AHNAK: variants seen among roughly 807,000 people sequenced by gnomAD.
The protein encoded by AHNAK is neuroblast differentiation-associated protein AHNAK.
AHNAK carries 23 observed loss-of-function variants against 37.8 expected under a neutral mutation model. That is an observed-to-expected ratio of 0.61 (90% CI 0.44 to 0.86). The LOEUF (loss-of-function observed/expected upper bound fraction) is 0.86. Among genes scored for constraint, AHNAK ranks in the 40% least tolerant of loss-of-function variants. The pLI is 0.00. For synonymous variants in AHNAK, 2,481 were observed against 2,636.3 expected, an observed-to-expected ratio of 0.94 and a Z score of 1.80; for missense variants, 7,411 against 7,319.4, an observed-to-expected ratio of 1.01 and a Z score of -0.46.
intron 5 of AHNAK, among the ~76,000 whole-genome samples, chr11:62,458,869 G>GC (rs1413333368): frequency 4.6e-5 from 7 of 152,110 alleles, no homozygotes; most frequent in Non-Finnish European, 1.0e-4. Flanking sequence ...CTAGGAATTT[G>GC]CCCCAAGTAC....
At position 62,517,435 on chromosome 11, in the gene AHNAK, A is replaced by AT; in HGVS notation, c.16981dup (p.Met5661AsnfsTer12). On this transcript the variant is annotated frameshift_variant, in exon 5 of 5. Transcript: ENST00000378024. LOFTEE classifies it high-confidence loss of function. ...AGAGAAGGTAAATTTGGGGATCTTC[A>AT]TTTTAGGGAATGTTACTTTTCCAGA... is the stretch of plus-strand genomic sequence containing the variant. 1 of 1,614,112 alleles carries AT rather than the reference A, an allele frequency of 6.2e-7. No individual in the cohort carries two copies. The highest frequency in any genetic ancestry group is 8.5e-7 in the Non-Finnish European group (1 of 1,180,016).
At chr11:62,489,737 C>T (rs1939465292) in intron 5 of AHNAK, among the ~76,000 whole-genome samples, 1 of 151,870 alleles carries the variant, frequency 6.6e-6, no homozygotes, top group Admixed American at 6.6e-5. Context: ...CTGAGAGCCA[C>T]AGAGCCCCAA....
chr11:62,464,174 C>T (rs553098137), intron 5 of AHNAK, among the ~76,000 whole-genome samples: 159 of 151,812 alleles, frequency 1.0e-3, no homozygotes, highest in Non-Finnish European at 5.9e-4. Flanking sequence ...ACCACAGGAA[C>T]GGGCCACCAT....
At position 62,483,492 on chromosome 11, in the gene AHNAK, C is replaced by T. The variant is rs369803468; in HGVS notation, c.442+8240G>A. Among the ~76,000 whole-genome samples the T allele has an allele frequency of 4.6e-5, 7 of 151,878 alleles. No individual in the cohort carries two copies. The East Asian group carries it at 5.9e-4, about 13-fold the overall frequency. On this transcript the variant is annotated intron_variant, in intron 5 of 5. Coordinates refer to the AHNAK transcript ENST00000257247. ...CTGTAATCCCAGCACTCTGGGAGGCCGAGGCGGGCGGATCACGAGGTCAGG... is the reference window on the plus strand; with the variant it reads ...CTGTAATCCCAGCACTCTGGGAGGCTGAGGCGGGCGGATCACGAGGTCAGG...
At chr11:62,489,175 A>T (rs1297062366) in intron 5 of AHNAK, among the ~76,000 whole-genome samples, 1 of 150,150 alleles carries the variant, frequency 6.7e-6, no homozygotes, top group East Asian at 2.0e-4. Context: ...CGGGAGGTGG[A>T]GGTTGCAGTG....
intron 5 of AHNAK, among the ~76,000 whole-genome samples, chr11:62,438,905 T>C (rs1258538553): frequency 1.3e-5 from 2 of 152,062 alleles, no homozygotes; most frequent in Non-Finnish European, 2.9e-5. Context: ...CATATGATAA[T>C]GACTTCCTGG....
intron 1 of AHNAK, among the ~76,000 whole-genome samples, chr11:62,541,386 C>T (rs1034397280): frequency 2.0e-5 from 3 of 152,210 alleles, no homozygotes; most frequent in Admixed American, 6.5e-5. Context: ...ACCACACACA[C>T]AAGGCCAAAG....
Position 62,531,699 on chromosome 11 carries a change from C to T in AHNAK, c.2718G>A (p.Val906=), listed in dbSNP as rs1442886481. ...EVDVNLPKAD[V]DISGPKVGVE... ...CACCCACCTTGGGTCCTGAGATGTCCACATCAGCCTTGGGCAGGTTCACAT... is the reference window on the plus strand; with the variant it reads ...CACCCACCTTGGGTCCTGAGATGTCTACATCAGCCTTGGGCAGGTTCACAT... Residue 906 remains valine (V), a synonymous_variant, in exon 5 of 5, where the codon GTG becomes GTA. Coordinates refer to ENST00000378024, the MANE Select transcript of AHNAK (RefSeq NM_001620.3). 6.2e-7 allele frequency: 1 copy of T among 1,614,138 alleles called. No homozygotes were observed. The highest frequency in any genetic ancestry group is 2.2e-5 in the East Asian group (1 of 44,884).
At chr11:62,487,828 G>A (rs1939423218) in intron 5 of AHNAK, among the ~76,000 whole-genome samples, 4 of 152,188 alleles carry the variant, frequency 2.6e-5, no homozygotes, top group African/African-American at 7.2e-5. Flanking sequence ...AGTCGACTTA[G>A]AGAAAGCTGG....
In AHNAK at chr11:62,525,990, C is replaced by G. The variant is rs748773168; in HGVS notation, c.8427G>C (p.Val2809=). 6.2e-7 allele frequency: 1 copy of G among 1,613,300 alleles called. No homozygotes were observed. The highest frequency in any genetic ancestry group is 1.1e-5 in the South Asian group (1 of 91,028). Residue 2809 remains valine, a synonymous_variant, in exon 5 of 5, where the codon GTG becomes GTC. Coordinates refer to ENST00000378024, the MANE Select transcript of AHNAK (RefSeq NM_001620.3). ...ACTTTCCTTCAGGTCCTTCGATATT[C>G]ACATCGGGACATTCAACATCCACTT... is the stretch of plus-strand genomic sequence containing the variant. The part of the protein sequence containing the change: ...GPKVDVECPD[V]NIEGPEGKWK...
In AHNAK at chr11:62,532,835, C is replaced by T. The variant is rs765551586; in HGVS notation, c.1582G>A (p.Asp528Asn). 1.2e-6 allele frequency: 2 copies of T among 1,614,082 alleles called. No individual in the cohort carries two copies. The highest frequency in any genetic ancestry group is 2.2e-5 in the South Asian group (2 of 91,088). ...AGTGCCACTTGAGGGCCTTTAACAT[C>T]ACCTTGCACCCCAGGAGCAGAAACC... ...IKVSAPGVQG[D>N]VKGPQVALKG... is the part of the protein sequence containing the mutation. The change falls in exon 5 of 5, where the codon GAT becomes AAT. Residue 528 changes from aspartate to asparagine, a missense_variant. Coordinates refer to ENST00000378024, the MANE Select transcript of AHNAK (RefSeq NM_001620.3).
At chr11:62,512,810 C>T (rs984983743), downstream of AHNAK, among the ~76,000 whole-genome samples, 1 of 138,846 alleles carries the variant, frequency 7.2e-6, no homozygotes, top group Non-Finnish European at 1.5e-5. The surrounding 1 kb of genome is among the most constrained non-coding windows in gnomAD (Gnocchi z 4.0). Flanking sequence ...GAGCTGAGAA[C>T]GTGCCACTGC....
rs1310738056 is a variant in AHNAK, at chr11:62,517,867, T to G, written c.16550A>C (p.Gln5517Pro). The part of the protein sequence containing the change: ...PGVNVKLPTG[Q>P]ISGPEIKGGL... ...ACCTTTGATTTCAGGCCCAGAAATC[T>G]GCCCAGTTGGGAGTTTCACATTCAC... The change falls in exon 5 of 5, where the codon CAG (glutamine) becomes CCG (proline). Residue 5517 changes from glutamine (Q) to proline (P), a missense_variant. Coordinates refer to ENST00000378024, the MANE Select transcript of AHNAK (RefSeq NM_001620.3). 2 of 1,614,166 alleles carry G rather than the reference T, an allele frequency of 1.2e-6. No homozygotes were observed. Among genetic ancestry groups the G allele is most frequent in the African/African-American group, 1.3e-5 (1 of 75,050 alleles).
intron 5 of AHNAK, among the ~76,000 whole-genome samples, chr11:62,481,248 G>C (rs535624420): frequency 3.3e-5 from 5 of 151,862 alleles, no homozygotes; most frequent in Admixed American, 6.6e-5. Flanking sequence ...TGGGATTACA[G>C]GTGCCCACCA....
intron 1 of AHNAK, among the ~76,000 whole-genome samples, chr11:62,544,800 A>G (rs954861454): frequency 4.6e-5 from 7 of 151,992 alleles, no homozygotes; most frequent in Non-Finnish European, 1.0e-4. Flanking sequence ...TGAAAGCGAG[A>G]TCTCTACCCT....
exon 6 of AHNAK, chr11:62,433,888 A>T: frequency 6.2e-7 from 1 of 1,613,770 alleles, no homozygotes; most frequent in South Asian, 1.1e-5. Flanking sequence ...CCGCTTCTAC[A>T]GTCCTGTAAA....
intron 5 of AHNAK, among the ~76,000 whole-genome samples, chr11:62,440,354 G>A (rs1938278216): frequency 6.6e-6 from 1 of 152,110 alleles, no homozygotes; most frequent in African/African-American, 2.4e-5. Flanking sequence ...CAAAATTCCA[G>A]GGCTTGAGGC....
chr11:62,434,264 C>T (rs1938113116), intron 5 of AHNAK, among the ~76,000 whole-genome samples: 1 of 152,184 alleles, frequency 6.6e-6, no homozygotes, highest in Non-Finnish European at 1.5e-5. Context: ...CTGCCACCTC[C>T]AGCCTCAGCC....
intron 5 of AHNAK, among the ~76,000 whole-genome samples, chr11:62,457,067 G>A (rs533072154): frequency 2.0e-5 from 3 of 152,282 alleles, no homozygotes; most frequent in East Asian, 3.9e-4. Flanking sequence ...TTGGGAGGCC[G>A]AGGCGGGAGG....
Sources: allele counts gnomAD v4.1 joint callset (sites outside exome capture counted in the v4.1 genomes callset), GRCh38; gene constraint gnomAD v4.1.1; non-coding constraint Gnocchi (gnomAD v3.1); transcripts MANE v1.5; gene names NCBI Gene and HGNC (gene_info 2026-07-23, HGNC 2026-07-21).